TUBA8: variants seen among roughly 807,000 people sequenced by gnomAD.
TUBA8 encodes the protein tubulin alpha-8 chain.
A neutral mutation model predicts 34.7 loss-of-function variants in TUBA8; 29 were observed. The observed-to-expected ratio is 0.84, with a 90% CI of 0.62 to 1.14. TUBA8 has a LOEUF of 1.14. Ranked by LOEUF, TUBA8 falls within the 50% of genes most tolerant of loss-of-function variation. TUBA8 has a pLI of 0.00. For missense variants in TUBA8, 541 were observed against 599.2 expected (o/e 0.90, Z 1.01); for synonymous variants, 226 against 231.2 (o/e 0.98, Z 0.21).
At chr22:18,127,476 C>A in intron 4 of TUBA8, 1 of 165,422 alleles carries the variant, frequency 6.0e-6, no homozygotes, top group Non-Finnish European at 1.3e-5. Context: ...TCACTGCAAG[C>A]TCCACCTCTC....
Position 18,126,722 on chromosome 22 carries a change from C to T in TUBA8, c.744C>T (p.Leu248=), listed in dbSNP as rs1349091724. 1.9e-6 allele frequency: 3 copies of T among 1,614,154 alleles called. No homozygotes were observed. Among genetic ancestry groups the T allele is most frequent in the Non-Finnish European group, 2.5e-6 (3 of 1,180,034 alleles). The change falls in exon 4 of 5, where the codon CTC becomes CTT. Residue 248 remains leucine, a synonymous_variant. Transcript: ENST00000330423. The surrounding 1 kb of genome is among the most constrained non-coding windows in gnomAD (Gnocchi z 4.0). ...ITASLRFDGA[L]NVDLTEFQTN... ...CTTCTCTCCGCTTTGACGGGGCCCT[C>T]AATGTGGACCTCACTGAGTTCCAGA...
Position 18,121,571 on chromosome 22 carries a change from A to C in TUBA8, c.96A>C (p.Ala32=). 1.2e-6 allele frequency: 2 copies of C among 1,614,254 alleles called. No individual in the cohort carries two copies. The highest frequency in any genetic ancestry group is 8.5e-7 in the Non-Finnish European group (1 of 1,180,050). Residue 32 remains alanine, a synonymous_variant, in exon 2 of 5, where the codon GCA becomes GCC. Transcript: ENST00000330423. The surrounding 1 kb of genome is among the most constrained non-coding windows in gnomAD (Gnocchi z 4.8). The part of the protein sequence containing the change: ...ELFCLEHGIQ[A]DGTFDAQASK... ...TCTGCCTGGAACACGGCATCCAGGC[A>C]GACGGCACTTTTGATGCTCAAGCTA...
chr22:18,121,439 G>C lies in TUBA8; in HGVS notation c.4-40G>C. On this transcript the variant is annotated intron_variant, in intron 1 of 4. Transcript: ENST00000330423. The surrounding 1 kb of genome is among the most constrained non-coding windows in gnomAD (Gnocchi z 4.8). ...GATGTAGGGCAAAGGCATGCTGGGG[G>C]CCCAGACTCTCTGACCTCGTTGCTT... is the stretch of plus-strand genomic sequence containing the variant. 1 of 1,569,484 alleles carries C rather than the reference G, an allele frequency of 6.4e-7. No homozygotes were observed. The highest frequency in any genetic ancestry group is 8.8e-7 in the Non-Finnish European group (1 of 1,139,346).
chr22:18,126,052 G>A lies in TUBA8; in HGVS notation c.376-302G>A, dbSNP rs467262. On this transcript the variant is annotated intron_variant, in intron 3 of 4. Transcript: ENST00000330423. This position sits in a 1 kb window ranked among gnomAD's most constrained non-coding sequence, Gnocchi z 4.0. ...AACTTTTAAAATTTTTTGTAGATGC[G>A]AGGTCTCACTATGTTGCCCATGCTG... 8 of 411,568 alleles carry A rather than the reference G, an allele frequency of 1.9e-5. No homozygotes were observed. The highest frequency in any genetic ancestry group is 8.1e-5 in the Admixed American group (2 of 24,642). 25.5% of individuals were successfully genotyped at this position (411,568 alleles called of 1,614,324 possible).
At chr22:18,130,268 G>A (rs1928450464) in intron 4 of TUBA8, 1 of 154,496 alleles carries the variant, frequency 6.5e-6, no homozygotes, top group Non-Finnish European at 1.4e-5. Context: ...AATCTAGAAT[G>A]CGTTTCCCTG....
intron 1 of TUBA8, chr22:18,120,768 G>A (rs1375647749): frequency 1.3e-5 from 2 of 152,602 alleles, no homozygotes; most frequent in Non-Finnish European, 2.9e-5. Flanking sequence ...CTGTTAGTAC[G>A]AATACCAATC....
At chr22:18,130,780 TGA>T in intron 4 of TUBA8, 61 bp from the exon 5 acceptor site, 1 of 1,562,932 alleles carries the variant, frequency 6.4e-7, no homozygotes, top group Non-Finnish European at 8.8e-7. Context: ...TGTCCCATCC[TGA>T]GTTATCCTCT....
At chr22:18,120,701 G>T (rs1216806271) in intron 1 of TUBA8, 2 of 152,218 alleles carry the variant, frequency 1.3e-5, no homozygotes, top group Non-Finnish European at 2.9e-5. Flanking sequence ...TCTCCAAACT[G>T]CTTTCCACAG....
intron 1 of TUBA8, chr22:18,117,758 G>C (rs797002127): frequency 1.1e-4 from 14 of 130,914 alleles, no homozygotes; most frequent in African/African-American, 3.9e-4. Context: ...CTGGGCGTCA[G>C]AGTGAGACTC....
In TUBA8 at chr22:18,124,610, A is replaced by G; in HGVS notation, c.375+306A>G. ...TGAGGTCTCTGCTGGTCGGAAACAC[A>G]GGTTAACAAAGCATTTAACTTGGAA... On this transcript the variant is annotated intron_variant, in intron 3 of 4. Coordinates refer to ENST00000330423, the MANE Select transcript of TUBA8 (RefSeq NM_018943.3). The surrounding 1 kb of genome is among the most constrained non-coding windows in gnomAD (Gnocchi z 4.3). 1 of 297,230 alleles carries G rather than the reference A, an allele frequency of 3.4e-6. No homozygotes were observed. The highest frequency in any genetic ancestry group is 6.3e-6 in the Non-Finnish European group (1 of 158,286). The allele number at this position is 297,230 out of a possible 1,614,324, so 18.4% of individuals were successfully genotyped here.
intron 4 of TUBA8, chr22:18,127,328 C>A: frequency 2.7e-6 from 1 of 366,524 alleles, no homozygotes; most frequent in Non-Finnish European, 5.0e-6. Flanking sequence ...TGGCCCAAAT[C>A]TACTCACCTG....
intron 4 of TUBA8, 175 bp from the exon 5 acceptor site, chr22:18,130,668 T>C (rs903906719): frequency 6.9e-5 from 51 of 742,422 alleles, no homozygotes; most frequent in Non-Finnish European, 1.1e-4. Flanking sequence ...AGCTTCTCCC[T>C]TGCCACCTGC....
chr22:18,124,045 T>G lies in TUBA8; in HGVS notation c.227-111T>G. 1 of 1,378,406 alleles carries G rather than the reference T, an allele frequency of 7.3e-7. No homozygotes were observed. Among genetic ancestry groups the G allele is most frequent in the Non-Finnish European group, 1.0e-6 (1 of 980,148 alleles). The allele number at this position is 1,378,406 out of a possible 1,614,324, so 85.4% of individuals were successfully genotyped here. ...TTACGAGGTGGTCTGGCTTCAAACC[T>G]CCATGGAGTTTTATAGGTAGGGGAG... On this transcript the variant is annotated intron_variant, in intron 2 of 4. Coordinates refer to ENST00000330423, the MANE Select transcript of TUBA8 (RefSeq NM_018943.3). This position sits in a 1 kb window ranked among gnomAD's most constrained non-coding sequence, Gnocchi z 4.3.
At chr22:18,113,620 AC>A (rs1051046448) in intron 1 of TUBA8, 1 of 152,188 alleles carries the variant, frequency 6.6e-6, no homozygotes, top group African/African-American at 2.4e-5. Context: ...CCAAATGGAC[AC>A]CCTTCTGCCT....
chr22:18,123,487 C>T (rs1034304357), intron 2 of TUBA8: 1 of 154,112 alleles, frequency 6.5e-6, no homozygotes, highest in African/African-American at 2.4e-5. Context: ...GATCTCCTGA[C>T]CTCGTGATCT....
intron 4 of TUBA8, chr22:18,129,337 G>A (rs1928428091): frequency 6.6e-6 from 1 of 152,206 alleles, no homozygotes; most frequent in Admixed American, 6.5e-5. Context: ...CTGGAGTTAT[G>A]TCCTGAAGGA....
intron 4 of TUBA8, 69 bp downstream of exon 4, chr22:18,127,103 A>G (rs1183108289): frequency 1.5e-5 from 23 of 1,535,730 alleles, no homozygotes; most frequent in Non-Finnish European, 1.8e-5. Context: ...AAGGATATGC[A>G]ATTCCATGGG....
At chr22:18,129,862 G>GT (rs1264136944) in intron 4 of TUBA8, 1 of 152,296 alleles carries the variant, frequency 6.6e-6, no homozygotes, top group African/African-American at 2.4e-5. Flanking sequence ...ACTTGTCCCA[G>GT]TTTCCCATGG....
chr22:18,120,681 C>A (rs1928120034), intron 1 of TUBA8: 1 of 152,196 alleles, frequency 6.6e-6, no homozygotes, highest in African/African-American at 2.4e-5. Flanking sequence ...GTTCTGAGTT[C>A]TTTGAGAAAT....
Sources: allele counts gnomAD v4.1 joint callset, GRCh38; gene constraint gnomAD v4.1.1; non-coding constraint Gnocchi (gnomAD v3.1); transcripts MANE v1.5; gene names NCBI Gene and HGNC (gene_info 2026-07-23, HGNC 2026-07-21).